Variants in ZNF18 observed in about 807,000 individuals in gnomAD.
The protein encoded by ZNF18 is zinc finger protein 18.
Under a neutral mutation model 58.1 loss-of-function variants are expected in ZNF18, and 42 were observed. That is an observed-to-expected ratio of 0.72 (90% confidence interval 0.56 to 0.93). ZNF18 has a LOEUF of 0.93. ZNF18 is among the 40% of genes least tolerant of loss of function. The pLI is 0.00. For missense variants in ZNF18, 540 were observed against 644.2 expected (o/e 0.84, Z 1.75); for synonymous variants, 231 against 239.8 (o/e 0.96, Z 0.34).
the ZNF18 span, among the ~76,000 whole-genome samples, chr17:12,008,142 G>A: frequency 1.3e-5 from 2 of 152,124 alleles, no homozygotes; most frequent in East Asian, 1.9e-4. Context: ...CTGGTTACCC[G>A]GAATTAAGCA....
the ZNF18 span, chr17:12,020,776 GTGTC>G: frequency 2.3e-6 from 1 of 436,400 alleles, no homozygotes; most frequent in Non-Finnish European, 3.7e-6. Flanking sequence ...TGTCCGGGGC[GTGTC>G]GGAGGCGGGG....
At chr17:12,015,832 A>T in the ZNF18 span, among the ~76,000 whole-genome samples, 1 of 151,926 alleles carries the variant, frequency 6.6e-6, no homozygotes, top group East Asian at 1.9e-4. Flanking sequence ...TCTGTCACTC[A>T]GGCTGGAGTC....
chr17:11,996,353 C>A (rs1309692115), intron 1 of ZNF18, among the ~76,000 whole-genome samples: 2 of 151,990 alleles, frequency 1.3e-5, no homozygotes, highest in Non-Finnish European at 2.9e-5. Flanking sequence ...AGCAAGATAC[C>A]GACCTGTAAA....
At chr17:11,996,831 C>T (rs181351881) in intron 1 of ZNF18, 9 of 152,332 alleles carry the variant, frequency 5.9e-5, no homozygotes, top group Admixed American at 5.2e-4. Flanking sequence ...GATCAGGAAC[C>T]TCCGAGGCTC....
chr17:12,021,111 C>T, the ZNF18 span: 1 of 580,422 alleles, frequency 1.7e-6, no homozygotes, highest in Middle Eastern at 5.6e-4. Flanking sequence ...CCACGGCAGC[C>T]GCCGGCTTCT....
At chr17:12,004,713 C>T in the ZNF18 span, among the ~76,000 whole-genome samples, 69 of 151,970 alleles carry the variant, frequency 4.5e-4, 1 homozygote, top group African/African-American at 1.6e-3. Context: ...ATAGAGAAAC[C>T]ATGTCTCTAC....
Position 11,984,120 on chromosome 17 carries a change from G to C in ZNF18, c.744C>G (p.Val248=). The C allele has an allele frequency of 2.5e-6, 4 of 1,611,430 alleles. No individual in the cohort carries two copies. The highest frequency in any genetic ancestry group is 3.4e-6 in the Non-Finnish European group (4 of 1,179,188). Residue 248 remains valine, a synonymous_variant, in exon 5 of 7, where the codon GTC becomes GTG. Coordinates refer to ENST00000580306, the MANE Select transcript of ZNF18 (RefSeq NM_001303281.2). The part of the protein sequence containing the change: ...DLMLETYGKM[V]SGAGISHPKS... ...ACTAACCCACACCCTCACCTCCTGA[G>C]ACCATTTTCCCATAGGTCTCCAGCA... is the stretch of plus-strand genomic sequence containing the variant.
At chr17:11,985,195 T>C (rs1377627661) in intron 4 of ZNF18, among the ~76,000 whole-genome samples, 2 of 152,234 alleles carry the variant, frequency 1.3e-5, no homozygotes, top group African/African-American at 4.8e-5. Flanking sequence ...GCTTTTCCTA[T>C]GAAACGACAG....
At chr17:12,005,638 C>G in the ZNF18 span, among the ~76,000 whole-genome samples, 1 of 152,064 alleles carries the variant, frequency 6.6e-6, no homozygotes, top group Non-Finnish European at 1.5e-5. Flanking sequence ...CAAAAATAAA[C>G]TGAATTTAGA....
intron 6 of ZNF18, 72 bp from the exon 7 acceptor site, chr17:11,978,816 G>C (rs1466003590): frequency 7.6e-6 from 5 of 654,644 alleles, no homozygotes; most frequent in East Asian, 3.3e-5. Context: ...GTCAAAGAGA[G>C]GGTCATCATA....
chr17:12,009,774 C>G, the ZNF18 span, among the ~76,000 whole-genome samples: 1 of 152,006 alleles, frequency 6.6e-6, no homozygotes, highest in Non-Finnish European at 1.5e-5. Context: ...TTTAAATCAT[C>G]CCTCCTTGCT....
At chr17:11,980,231 T>C (rs1022847666) in intron 6 of ZNF18, among the ~76,000 whole-genome samples, 1 of 152,224 alleles carries the variant, frequency 6.6e-6, no homozygotes, top group African/African-American at 2.4e-5. Flanking sequence ...TTTAGATGGA[T>C]GAAAAGTGGT....
At chr17:11,987,173 G>C (rs761317567) in intron 4 of ZNF18, among the ~76,000 whole-genome samples, 7 of 152,186 alleles carry the variant, frequency 4.6e-5, no homozygotes, top group Non-Finnish European at 7.3e-5. Context: ...GGGTTTATAA[G>C]ATATTACAAC....
At chr17:12,020,032 T>C in the ZNF18 span, among the ~76,000 whole-genome samples, 5 of 152,204 alleles carry the variant, frequency 3.3e-5, no homozygotes, top group African/African-American at 4.8e-5. Flanking sequence ...TAAAAGTCTC[T>C]GTGCAAAGCA....
At chr17:12,006,371 C>T in the ZNF18 span, among the ~76,000 whole-genome samples, 1 of 152,166 alleles carries the variant, frequency 6.6e-6, no homozygotes, top group Non-Finnish European at 1.5e-5. Flanking sequence ...CATCTTTATG[C>T]ATCTCAATTC....
At chr17:12,009,614 G>T in the ZNF18 span, among the ~76,000 whole-genome samples, 1 of 151,852 alleles carries the variant, frequency 6.6e-6, no homozygotes, top group South Asian at 2.1e-4. Flanking sequence ...CACCATGCTC[G>T]GCTAATTTTT....
chr17:12,021,185 G>A, the ZNF18 span: 2 of 348,808 alleles, frequency 5.7e-6, no homozygotes, highest in East Asian at 4.4e-5. Flanking sequence ...TTGGATCCGG[G>A]CTCCGGCCCG....
At chr17:11,980,874 A>G (rs1429898128) in intron 6 of ZNF18, among the ~76,000 whole-genome samples, 10 of 152,174 alleles carry the variant, frequency 6.6e-5, no homozygotes, top group Non-Finnish European at 1.5e-4. Flanking sequence ...TCTAACATTC[A>G]TGAAACATTC....
Position 11,978,440 on chromosome 17 carries a change from C to G in ZNF18, c.1167G>C (p.Glu389Asp), listed in dbSNP as rs1160685182. 1.9e-6 allele frequency: 3 copies of G among 1,558,534 alleles called. No individual in the cohort carries two copies. The South Asian group carries it at 3.8e-5, about 20-fold the overall frequency. The change falls in exon 7 of 7, where the codon GAG (glutamate) becomes GAC (aspartate). Residue 389 changes from glutamate to aspartate, a missense_variant. Transcript: ENST00000580306. ...GCCCCTTCTGGGAGGTCTCTCTCTT[C>G]TCCTCAAGCCACATGGTGGACATTT... ...SGEMSTMWLE[E>D]KRETSQKGQP...
Sources: allele counts gnomAD v4.1 joint callset (sites outside exome capture counted in the v4.1 genomes callset), GRCh38; gene constraint gnomAD v4.1.1; transcripts MANE v1.5; gene names NCBI Gene and HGNC (gene_info 2026-07-23, HGNC 2026-07-21).